Variants in CEMIP2 observed in about 807,000 individuals in gnomAD.
CEMIP2 encodes cell migration inducing hyaluronidase 2, also known as cell surface hyaluronidase CEMIP2.
A neutral mutation model predicts 146.9 loss-of-function variants in CEMIP2; 79 were observed. That is an observed-to-expected ratio of 0.54 (90% CI 0.45 to 0.65). CEMIP2 has a LOEUF of 0.65. Ranked by LOEUF, CEMIP2 falls within the 30% of genes least tolerant of loss-of-function variation. CEMIP2 has a pLI of 0.00. For synonymous variants in CEMIP2, 601 were observed against 606.3 expected (o/e 0.99, Z 0.13); for missense variants, 1,596 against 1,696.2 (o/e 0.94, Z 1.04).
At chr9:71,705,372 A>T (rs1010770262) in intron 17 of CEMIP2, among the ~76,000 whole-genome samples, 14 of 152,286 alleles carry the variant, frequency 9.2e-5, no homozygotes, top group African/African-American at 3.4e-4. Context: ...TCCTGAATGT[A>T]TTCCAGTGGC....
rs746693730 is a variant in CEMIP2 at position 71,745,178 on chromosome 9, T to C, written c.874A>G (p.Asn292Asp). The change falls in exon 4 of 24, where the codon AAT (asparagine) becomes GAT (aspartate). Residue 292 changes from asparagine (N) to aspartate (D), a missense_variant. Asn to Asp is a conservative substitution (Grantham distance 23). Transcript: ENST00000377044. ...AACTCCTGAAGCCGCCTGCTCTCAT[T>C]GCGGTATTCATGGGTATCAAATCTC... Reference protein sequence around the residue: ...SERFDTHEYRNESRRLQEFLR... With the variant: ...SERFDTHEYRDESRRLQEFLR... 4.3e-6 allele frequency: 7 copies of C among 1,614,128 alleles called. No individual in the cohort carries two copies. In the South Asian group the frequency reaches 7.7e-5, roughly 18 times the overall value.
At chr9:71,741,338 T>C (rs993162999) in intron 4 of CEMIP2, among the ~76,000 whole-genome samples, 10 of 151,574 alleles carry the variant, frequency 6.6e-5, no homozygotes, top group South Asian at 2.1e-4. Flanking sequence ...GCTGGGATTA[T>C]AGGCATGTGC....
chr9:71,704,901 G>C, intron 17 of CEMIP2, 98 bp from the exon 18 acceptor site: 7 of 1,167,132 alleles, frequency 6.0e-6, no homozygotes, highest in East Asian at 2.5e-5. Context: ...ACTTTGAAAA[G>C]GGAGATTCTG....
In CEMIP2 at chr9:71,768,493, A is replaced by C. The variant is rs1423706791; in HGVS notation, c.-149T>G. Reference sequence around the variant, plus strand: ...AAGCCACTCGATTGCCGGCGCCCGCAGCTGCCGCTCGTACTCAACTGGCAG... The same window carrying C: ...AAGCCACTCGATTGCCGGCGCCCGCCGCTGCCGCTCGTACTCAACTGGCAG... On this transcript the variant is annotated 5_prime_UTR_variant, in exon 1 of 24. Transcript: ENST00000377044. The C allele has an allele frequency of 2.0e-5, 3 of 152,376 alleles. No individual in the cohort carries two copies. The highest frequency in any genetic ancestry group is 7.2e-5 in the African/African-American group (3 of 41,424). 9.4% of individuals were successfully genotyped at this position (152,376 alleles called of 1,614,324 possible).
chr9:71,745,682 G>GA (rs1824068249), intron 3 of CEMIP2, 103 bp from the exon 4 acceptor site: 4 of 1,184,938 alleles, frequency 3.4e-6, no homozygotes, highest in Non-Finnish European at 3.5e-6. Context: ...AATTAGGTCG[G>GA]AAAAAAGAAT....
intron 22 of CEMIP2, among the ~76,000 whole-genome samples, chr9:71,687,584 T>C (rs1822104057): frequency 6.6e-6 from 1 of 151,970 alleles, no homozygotes; most frequent in Non-Finnish European, 1.5e-5. Flanking sequence ...ATTTCAGCAC[T>C]TTGGAAGGCT....
In CEMIP2 at chr9:71,690,181, G is replaced by T. The variant is rs190712217; in HGVS notation, c.3762C>A (p.Ser1254Arg). The stretch of plus-strand genomic sequence containing the variant: ...TTTTTTCCGTCAAGCGGAATGGAAC[G>T]CTGCACGGATCCACAACAAGGAGGA... ...GVLLLVVDPC[S>R]VPFRLTEKTV... The change falls in exon 22 of 24, where the codon AGC becomes AGA. Residue 1254 changes from serine to arginine, a missense_variant. Transcript: ENST00000377044. The T allele has an allele frequency of 1.6e-5, 26 of 1,614,160 alleles. No individual in the cohort carries two copies. In the East Asian group the frequency reaches 5.3e-4, roughly 33 times the overall value.
intron 5 of CEMIP2, among the ~76,000 whole-genome samples, chr9:71,737,650 C>T (rs1258854594): frequency 2.0e-5 from 3 of 152,120 alleles, no homozygotes; most frequent in African/African-American, 7.2e-5. Context: ...AGACTATAAG[C>T]ATGAGTCACC....
rs902763429 is a variant in CEMIP2 at position 71,718,109 on chromosome 9, T to C, written c.2268-30A>G. 1.9e-6 allele frequency: 3 copies of C among 1,585,052 alleles called. No individual in the cohort carries two copies. In the African/African-American group the frequency reaches 4.1e-5, roughly 21 times the overall value. ...GGGTTAAAAAAAGAATTTTAAAAAA[T>C]ATAACATAAAAGCCATAGGAATTAG... On this transcript the variant is annotated intron_variant, in intron 12 of 23. Transcript: ENST00000377044.
chr9:71,699,384 T>C, intron 19 of CEMIP2: 1 of 449,522 alleles, frequency 2.2e-6, no homozygotes, highest in Non-Finnish European at 4.5e-6. Flanking sequence ...AGATCAAGGC[T>C]GTAGTGTACC....
In CEMIP2 at chr9:71,690,077, A is replaced by G; in HGVS notation, c.3851+15T>C. The stretch of plus-strand genomic sequence containing the variant: ...TAAGGTGGCTTTTCCCTGTTACAGC[A>G]CAAGCTTGACCTACCTTGGAGGGAT... On this transcript the variant is annotated intron_variant, in intron 22 of 23. Transcript: ENST00000377044. 6 of 1,612,412 alleles carry G rather than the reference A, an allele frequency of 3.7e-6. No individual in the cohort carries two copies. Among genetic ancestry groups the G allele is most frequent in the Non-Finnish European group, 5.1e-6 (6 of 1,178,658 alleles).
At chr9:71,767,884 A>G (rs1222458474) in intron 1 of CEMIP2, among the ~76,000 whole-genome samples, 1 of 152,198 alleles carries the variant, frequency 6.6e-6, no homozygotes, top group African/African-American at 2.4e-5. Flanking sequence ...CCAAACGCAC[A>G]AGCGCGCGCG....
At chr9:71,699,652 T>A (rs1422573620) in intron 19 of CEMIP2, among the ~76,000 whole-genome samples, 1 of 152,076 alleles carries the variant, frequency 6.6e-6, no homozygotes, top group African/African-American at 2.4e-5. Flanking sequence ...TCGCCACCCT[T>A]CTCCCCACTC....
At chr9:71,725,016 T>C (rs1389495034) in intron 11 of CEMIP2, among the ~76,000 whole-genome samples, 2 of 152,170 alleles carry the variant, frequency 1.3e-5, no homozygotes, top group African/African-American at 4.8e-5. Context: ...CGTGCATGTA[T>C]GTGTTGCACA....
At chr9:71,709,943 CTAGT>C (rs1231430530) in intron 16 of CEMIP2, among the ~76,000 whole-genome samples, 7 of 152,094 alleles carry the variant, frequency 4.6e-5, no homozygotes, top group African/African-American at 1.7e-4. Flanking sequence ...ATCTTCAGAG[CTAGT>C]TAATCATTTT....
Position 71,704,686 on chromosome 9 carries a change from G to T in CEMIP2, c.3103C>A (p.Gln1035Lys). ...INQKAAFPQY[Q>K]PVVMLEKGYT... is the part of the protein sequence containing the mutation. ...CCCTTCTCCAGCATGACGACAGGCT[G>T]GTACTGTGGAAAGGCAGCCTTCTGA... is the stretch of plus-strand genomic sequence containing the variant. Residue 1035 changes from glutamine (Q) to lysine (K), a missense_variant, in exon 18 of 24, where the codon CAG becomes AAG. Physicochemically the swap from Gln to Lys is moderately conservative, Grantham distance 53 (BLOSUM62 1). Transcript: ENST00000377044. The T allele has an allele frequency of 1.2e-6, 2 of 1,614,140 alleles. No individual in the cohort carries two copies. The highest frequency in any genetic ancestry group is 1.7e-6 in the Non-Finnish European group (2 of 1,180,022).
chr9:71,709,212 G>T, intron 17 of CEMIP2, 47 bp downstream of exon 17: 1 of 1,572,118 alleles, frequency 6.4e-7, no homozygotes, highest in African/African-American at 1.3e-5. Flanking sequence ...AAGCAGTGCT[G>T]GCAGGAGCTG....
chr9:71,702,956 T>C (rs1188626755), intron 18 of CEMIP2, among the ~76,000 whole-genome samples: 1 of 152,248 alleles, frequency 6.6e-6, no homozygotes, highest in African/African-American at 2.4e-5. Flanking sequence ...TTCTGCCCAA[T>C]ATAACTTATA....
chr9:71,688,453 C>A (rs140042521), intron 22 of CEMIP2, among the ~76,000 whole-genome samples: 245 of 151,788 alleles, frequency 1.6e-3, no homozygotes, highest in African/African-American at 5.7e-3. Context: ...TTCAGTGGTA[C>A]AATCTTGGCT....
Sources: allele counts gnomAD v4.1 joint callset (sites outside exome capture counted in the v4.1 genomes callset), GRCh38; gene constraint gnomAD v4.1.1; transcripts MANE v1.5; gene names NCBI Gene and HGNC (gene_info 2026-07-23, HGNC 2026-07-21).